NAALADL2: variants seen among roughly 807,000 people sequenced by gnomAD.
NAALADL2 encodes the protein inactive N-acetylated-alpha-linked acidic dipeptidase-like protein 2.
Under a neutral mutation model 87.2 loss-of-function variants are expected in NAALADL2, and 76 were observed. That is an observed-to-expected ratio of 0.87 (90% CI 0.72 to 1.05). The LOEUF is 1.05. Ranked by LOEUF, NAALADL2 falls within the 50% of genes least tolerant of loss-of-function variation. The pLI, the probability that NAALADL2 is intolerant of heterozygous loss-of-function variation, is 0.00. For synonymous variants in NAALADL2, 354 were observed against 331.0 expected, an observed-to-expected ratio of 1.07 and a Z score of -0.75; for missense variants, 1,089 against 945.8, an observed-to-expected ratio of 1.15 and a Z score of -1.99.
intron 2 of NAALADL2, among the ~76,000 whole-genome samples, chr3:175,193,536 G>A (rs1479350882): frequency 6.6e-6 from 1 of 151,802 alleles, no homozygotes; most frequent in Non-Finnish European, 1.5e-5. Context: ...AAATAGAGGT[G>A]AGATAAGAAA....
chr3:175,437,853 G>A (rs1028482853), intron 5 of NAALADL2, among the ~76,000 whole-genome samples: 8 of 151,984 alleles, frequency 5.3e-5, no homozygotes, highest in African/African-American at 1.9e-4. Flanking sequence ...TTACAAATGG[G>A]AATATTGCTT....
intron 1 of NAALADL2, among the ~76,000 whole-genome samples, chr3:174,939,000 C>T (rs1738160573): frequency 6.6e-6 from 1 of 152,008 alleles, no homozygotes. Context: ...TGTGCAGAAG[C>T]TCTTAAGTTT....
At chr3:174,786,463 AAAAT>A (rs1382294761) in intron 3 of NAALADL2, among the ~76,000 whole-genome samples, 59 of 140,618 alleles carry the variant, frequency 4.2e-4, no homozygotes, top group Non-Finnish European at 7.3e-4. Flanking sequence ...AAAAAAAAAA[AAAAT>A]AATAAATAAA....
intron 9 of NAALADL2, among the ~76,000 whole-genome samples, chr3:175,528,511 C>A (rs928787232): frequency 2.0e-5 from 3 of 151,522 alleles, no homozygotes; most frequent in Non-Finnish European, 4.4e-5. Context: ...CCTCTCAGAC[C>A]CACCCAGGAT....
chr3:174,680,339 G>T (rs1029519518), intron 2 of NAALADL2, among the ~76,000 whole-genome samples: 1 of 152,138 alleles, frequency 6.6e-6, no homozygotes, highest in Admixed American at 6.6e-5. Flanking sequence ...CATCGATGTT[G>T]AGTGCTCCCT....
At chr3:174,552,880 T>C (rs964466581) in intron 2 of NAALADL2, among the ~76,000 whole-genome samples, 4 of 151,744 alleles carry the variant, frequency 2.6e-5, no homozygotes, top group African/African-American at 9.7e-5. Context: ...CAGTGATTTA[T>C]AGTTTCCTGA....
intron 2 of NAALADL2, among the ~76,000 whole-genome samples, chr3:174,625,328 T>C (rs1368626549): frequency 3.9e-5 from 6 of 152,012 alleles, no homozygotes; most frequent in African/African-American, 1.2e-4. Flanking sequence ...AAAGTGTTAG[T>C]ACTACAGCCA....
intron 2 of NAALADL2, among the ~76,000 whole-genome samples, chr3:174,716,846 C>G (rs1418831834): frequency 6.6e-6 from 1 of 151,950 alleles, no homozygotes; most frequent in African/African-American, 2.4e-5. Flanking sequence ...AACATATAAT[C>G]AATATGTTAT....
chr3:175,536,306 G>T (rs913573847), intron 9 of NAALADL2, among the ~76,000 whole-genome samples: 1 of 152,056 alleles, frequency 6.6e-6, no homozygotes, highest in Non-Finnish European at 1.5e-5. Context: ...GTTAAACATC[G>T]GTTTAAATTT....
At chr3:174,731,247 G>T (rs1422614258) in intron 2 of NAALADL2, among the ~76,000 whole-genome samples, 1 of 152,044 alleles carries the variant, frequency 6.6e-6, no homozygotes, top group Admixed American at 6.6e-5. Flanking sequence ...TTGTGCAAAG[G>T]TTTGTCTTGA....
At chr3:175,640,647 T>C (rs1209055694) in intron 11 of NAALADL2, among the ~76,000 whole-genome samples, 1 of 152,172 alleles carries the variant, frequency 6.6e-6, no homozygotes, top group Non-Finnish European at 1.5e-5. Context: ...AAAAACTCTT[T>C]TTATTCACAA....
chr3:175,423,192 C>G (rs1451386421), intron 5 of NAALADL2, among the ~76,000 whole-genome samples: 4 of 145,202 alleles, frequency 2.8e-5, no homozygotes, highest in African/African-American at 1.0e-4. Flanking sequence ...TCTTTTTTTG[C>G]ACAAAGAAGA....
chr3:175,018,175 T>G (rs185444949), intron 1 of NAALADL2, among the ~76,000 whole-genome samples: 396 of 152,202 alleles, frequency 2.6e-3, no homozygotes, highest in Middle Eastern at 6.8e-3. Flanking sequence ...GGGATGACTC[T>G]TCCATGTTCA....
At chr3:175,200,643 T>A (rs1368830940) in intron 2 of NAALADL2, among the ~76,000 whole-genome samples, 1 of 152,174 alleles carries the variant, frequency 6.6e-6, no homozygotes, top group Admixed American at 6.5e-5. Flanking sequence ...CAGTGAGACA[T>A]GAAAGCTAAT....
intron 4 of NAALADL2, among the ~76,000 whole-genome samples, chr3:175,303,340 C>G (rs1274351620): frequency 1.3e-5 from 2 of 151,938 alleles, no homozygotes; most frequent in Admixed American, 6.6e-5. Flanking sequence ...AAGGATAAAA[C>G]CTTGTATTTA....
At chr3:174,963,633 G>A (rs961860679) in intron 1 of NAALADL2, among the ~76,000 whole-genome samples, 1 of 152,050 alleles carries the variant, frequency 6.6e-6, no homozygotes, top group Non-Finnish European at 1.5e-5. Flanking sequence ...GCCTGTGTCC[G>A]CCATGGTTTT....
At chr3:174,935,778 A>T (rs772205477) in intron 1 of NAALADL2, among the ~76,000 whole-genome samples, 74 of 152,168 alleles carry the variant, frequency 4.9e-4, no homozygotes, top group Admixed American at 8.5e-4. Context: ...TTAGGAGATG[A>T]CATTCTGTTT....
At chr3:175,748,726 T>G (rs1384233003) in intron 12 of NAALADL2, among the ~76,000 whole-genome samples, 1 of 152,082 alleles carries the variant, frequency 6.6e-6, no homozygotes, top group Non-Finnish European at 1.5e-5. Context: ...ACAGAAAAAT[T>G]GAAGTAAACT....
At chr3:175,159,261 C>T (rs1283479443) in intron 2 of NAALADL2, among the ~76,000 whole-genome samples, 5 of 152,082 alleles carry the variant, frequency 3.3e-5, no homozygotes, top group South Asian at 2.1e-4. Flanking sequence ...AACAAGAAAT[C>T]TTAAAGGAAA....
Sources: gnomAD v4.1 joint callset for allele counts (sites outside exome capture counted in the v4.1 genomes callset) on GRCh38, gnomAD v4.1.1 for gene constraint, MANE v1.5 for transcripts, NCBI Gene and HGNC (gene_info 2026-07-23, HGNC 2026-07-21) for gene names.